Variants in SPEN observed in about 807,000 individuals in gnomAD.
SPEN encodes the protein msx2-interacting protein.
Under a neutral mutation model 269.9 loss-of-function variants are expected in SPEN, and 18 were observed. That is an observed-to-expected ratio of 0.07 (90% CI 0.05 to 0.10). The LOEUF is 0.10. SPEN is among the 10% of genes least tolerant of loss of function. The pLI is 1.00. For synonymous variants in SPEN, 1,726 were observed against 1,765.7 expected (o/e 0.98, Z 0.56); for missense variants, 3,822 against 4,631.2 (o/e 0.83, Z 5.07).
chr1:15,900,533 T>C lies in SPEN; in HGVS notation c.882-8788T>C, dbSNP rs978684707. Reference sequence around the variant, plus strand: ...AAAAGTTGTTTATACTTTACCTTTTTATCAGGTTGTCCAAAATCAAGTGAC... The same window carrying C: ...AAAAGTTGTTTATACTTTACCTTTTCATCAGGTTGTCCAAAATCAAGTGAC... On this transcript the variant is annotated intron_variant, in intron 3 of 14. Transcript: ENST00000375759. 2.8e-4 allele frequency among the ~76,000 whole-genome samples: 43 copies of C among 152,234 alleles called. 1 individual carries two copies. The highest frequency in any genetic ancestry group is 5.3e-4 in the Non-Finnish European group (36 of 68,044).
At chr1:15,920,730 C>T (rs1257660377) in intron 8 of SPEN, 140 bp from the exon 9 acceptor site, 2 of 372,970 alleles carry the variant, frequency 5.4e-6, no homozygotes, top group African/African-American at 4.2e-5. Flanking sequence ...GTGTGCATCA[C>T]ACTTTTTTTT....
rs1002376400 is a variant in SPEN, at chr1:15,848,374, G to A, written c.83+224G>A. On this transcript the variant is annotated intron_variant, in intron 1 of 14. Transcript: ENST00000375759. This position sits in a 1 kb window ranked among gnomAD's most constrained non-coding sequence, Gnocchi z 5.1. ...CGCGCCGCCTTCGAAGAGCCCGCGGGGCCCCGGCGGCCGCGTCCGTGACGA... is the reference window on the plus strand; with the variant it reads ...CGCGCCGCCTTCGAAGAGCCCGCGGAGCCCCGGCGGCCGCGTCCGTGACGA... Among the ~76,000 whole-genome samples the A allele has an allele frequency of 1.3e-5, 2 of 151,252 alleles. No individual in the cohort carries two copies. The highest frequency in any genetic ancestry group is 3.0e-5 in the Non-Finnish European group (2 of 67,698).
At position 15,851,980 on chromosome 1, in the gene SPEN, C is replaced by T. The variant is rs181931319; in HGVS notation, c.83+3830C>T. Among the ~76,000 whole-genome samples the T allele has an allele frequency of 2.0e-4, 30 of 151,544 alleles. 1 individual carries two copies. The highest frequency in any genetic ancestry group is 3.8e-4 in the Non-Finnish European group (26 of 67,864). On this transcript the variant is annotated intron_variant, in intron 1 of 14. Transcript: ENST00000375759. ...CCTGGGGGACAGAGCAAGACTCCGT[C>T]TGGGGAAAAAAAAAGAATGAGACCC...
intron 1 of SPEN, among the ~76,000 whole-genome samples, chr1:15,861,921 AATCACAGCTACTCAGGAGGCTGAG>A (rs1226658804): frequency 6.6e-6 from 1 of 152,192 alleles, no homozygotes; most frequent in East Asian, 1.9e-4. Flanking sequence ...ACATGCCTGT[AATCACAGCTACTCAGGAGGCTGAG>A]GCAGGAGAAT....
chr1:15,919,130 A>G, intron 7 of SPEN, 79 bp downstream of exon 7: 1 of 1,237,186 alleles, frequency 8.1e-7, no homozygotes, highest in East Asian at 2.3e-5. Context: ...TTTTTTGCAT[A>G]TGCCTTATTA....
intron 13 of SPEN, 179 bp from the exon 14 acceptor site, chr1:15,938,539 A>G: frequency 1.8e-6 from 1 of 554,184 alleles, no homozygotes; most frequent in South Asian, 2.9e-5. Context: ...TATTTTTTAA[A>G]TCAGCTTTCT....
intron 10 of SPEN, among the ~76,000 whole-genome samples, chr1:15,926,382 C>T (rs531548755): frequency 4.8e-4 from 67 of 139,662 alleles, no homozygotes; most frequent in Middle Eastern, 3.6e-3. Flanking sequence ...CAGATATATA[C>T]ATACACACAC....
chr1:15,912,594 C>T (rs1005861335), intron 5 of SPEN, among the ~76,000 whole-genome samples: 1 of 151,978 alleles, frequency 6.6e-6, no homozygotes, highest in African/African-American at 2.4e-5. Flanking sequence ...TTAGGGTGAC[C>T]ACTGCAAAAT....
In SPEN at chr1:15,934,284, T is replaced by C; in HGVS notation, c.8044T>C (p.Leu2682=). The C allele has an allele frequency of 6.2e-7, 1 of 1,614,198 alleles. No individual in the cohort carries two copies. The highest frequency in any genetic ancestry group is 8.5e-7 in the Non-Finnish European group (1 of 1,180,028). The change falls in exon 11 of 15, where the codon TTG becomes CTG. Residue 2682 remains leucine (L), a synonymous_variant. Coordinates refer to ENST00000375759, the MANE Select transcript of SPEN (RefSeq NM_015001.3). The surrounding 1 kb of genome is among the most constrained non-coding windows in gnomAD (Gnocchi z 9.2). The part of the protein sequence containing the change: ...VKGSVTTLKS[L]VSTPAGPVNV... ...GGGCTCAGTGACCACACTGAAAAGT[T>C]TGGTGAGCACCCCTGCTGGGCCCGT...
rs760363361 is a variant in SPEN at position 15,929,153 on chromosome 1, T to C, written c.2913T>C (p.Asp971=). The C allele has an allele frequency of 3.7e-6, 6 of 1,614,070 alleles. No individual in the cohort carries two copies. The highest frequency in any genetic ancestry group is 2.5e-6 in the Non-Finnish European group (3 of 1,180,010). ...RKHLKPEQPA[D]GVSAVDLEKL... ...ACCTCAAGCCTGAGCAGCCTGCAGA[T>C]GGGGTAAGTGCTGTGGATCTGGAGA... Residue 971 remains aspartate, a synonymous_variant, in exon 11 of 15, where the codon GAT becomes GAC. Transcript: ENST00000375759. The surrounding 1 kb of genome is among the most constrained non-coding windows in gnomAD (Gnocchi z 5.8).
intron 1 of SPEN, among the ~76,000 whole-genome samples, chr1:15,872,246 T>C (rs1359669323): frequency 8.0e-6 from 1 of 125,608 alleles, no homozygotes; most frequent in Non-Finnish European, 1.7e-5. Context: ...AAAAAAAAAG[T>C]GCATTTCAGC....
Position 15,928,658 on chromosome 1 carries a change from A to G in SPEN, c.2418A>G (p.Arg806=). 1 of 1,614,044 alleles carries G rather than the reference A, an allele frequency of 6.2e-7. No homozygotes were observed. The highest frequency in any genetic ancestry group is 8.5e-7 in the Non-Finnish European group (1 of 1,180,022). The change falls in exon 11 of 15, where the codon AGA becomes AGG. Residue 806 remains arginine, a synonymous_variant. Coordinates refer to ENST00000375759, the MANE Select transcript of SPEN (RefSeq NM_015001.3). The surrounding 1 kb of genome is among the most constrained non-coding windows in gnomAD (Gnocchi z 5.7). ...ATCCGGAGAGAGTGGAGAGAGAGAG[A>G]CGCTTAATACGGAAGGAAAAAGTGG... ...TFDPERVERE[R]RLIRKEKVEK... is the part of the protein sequence containing the mutation.
chr1:15,903,804 A>T (rs1050082075), intron 3 of SPEN, among the ~76,000 whole-genome samples: 1 of 152,162 alleles, frequency 6.6e-6, no homozygotes, highest in Admixed American at 6.5e-5. Context: ...TTTATTTAGA[A>T]TGATACTTTT....
At chr1:15,906,154 CAG>C (rs2070953324) in intron 3 of SPEN, among the ~76,000 whole-genome samples, 1 of 152,152 alleles carries the variant, frequency 6.6e-6, no homozygotes, top group African/African-American at 2.4e-5. Context: ...GTGCTAAAAA[CAG>C]AAGATTGATT....
chr1:15,935,311 A>C lies in SPEN; in HGVS notation c.9071A>C (p.His3024Pro). ...TTGGCAGCTGCAAAGCTAGATGCTC[A>C]TTCTCCTCGACCAAGTGGACCCGGG... is the stretch of plus-strand genomic sequence containing the variant. ...SHLAAAKLDA[H>P]SPRPSGPGPS... The change falls in exon 11 of 15, where the codon CAT (histidine) becomes CCT (proline). Residue 3024 changes from histidine to proline, a missense_variant. Around this residue, in one of 16 missense-constraint regions of SPEN, gnomAD observed 94 missense variants for 90.4 expected, o/e 1.04. Transcript: ENST00000375759. This position sits in a 1 kb window ranked among gnomAD's most constrained non-coding sequence, Gnocchi z 7.7. 1 of 1,614,058 alleles carries C rather than the reference A, an allele frequency of 6.2e-7. No homozygotes were observed.
Position 15,938,747 on chromosome 1 carries a change from T to A in SPEN, c.10734T>A (p.Ala3578=), listed in dbSNP as rs548264042. ...AGACAGATTACTGTCTGCTGCTGGC[T>A]CTGCCCTGTGGCCGTGACCAAGAGG... ...TVETDYCLLL[A]LPCGRDQEDV... Residue 3578 remains alanine, a synonymous_variant, in exon 14 of 15, where the codon GCT becomes GCA. Coordinates refer to ENST00000375759, the MANE Select transcript of SPEN (RefSeq NM_015001.3). 2 of 1,613,956 alleles carry A rather than the reference T, an allele frequency of 1.2e-6. No individual in the cohort carries two copies. Among genetic ancestry groups the A allele is most frequent in the Admixed American group, 1.7e-5 (1 of 60,018 alleles).
In SPEN at chr1:15,928,356, C is replaced by T. The variant is rs748777153; in HGVS notation, c.2116C>T (p.Arg706Cys). ...CAGGCAAAGGGAACGAGAAAGAGAA[C>T]GTGAAAGATTTGAGTCTGACCGGGA... is the stretch of plus-strand genomic sequence containing the variant. ...SYRQRERERE[R>C]ERFESDRDRD... The change falls in exon 11 of 15, where the codon CGT becomes TGT. Residue 706 changes from arginine (R) to cysteine (C), a missense_variant. This residue lies in a region of SPEN where 572 missense variants were observed against 582.6 expected (regional missense o/e 0.98). Coordinates refer to ENST00000375759, the MANE Select transcript of SPEN (RefSeq NM_015001.3). The surrounding 1 kb of genome is among the most constrained non-coding windows in gnomAD (Gnocchi z 5.7). 4.3e-6 allele frequency: 7 copies of T among 1,614,082 alleles called. No homozygotes were observed. Among genetic ancestry groups the T allele is most frequent in the Admixed American group, 1.7e-5 (1 of 60,016 alleles).
intron 6 of SPEN, among the ~76,000 whole-genome samples, chr1:15,918,375 T>C (rs1380247425): frequency 1.3e-5 from 2 of 152,234 alleles, no homozygotes; most frequent in Non-Finnish European, 1.5e-5. Flanking sequence ...TGTGCCGCCA[T>C]GCCTGGCTAA....
intron 1 of SPEN, among the ~76,000 whole-genome samples, chr1:15,850,551 C>G (rs1361305163): frequency 1.3e-5 from 2 of 152,148 alleles, no homozygotes; most frequent in Non-Finnish European, 1.5e-5. Context: ...CCTCACCCCC[C>G]AAAATCCAGG....
Sources: gnomAD v4.1 joint callset for allele counts (sites outside exome capture counted in the v4.1 genomes callset) on GRCh38, gnomAD v4.1.1 for gene constraint, gnomAD v4.1.1 regional missense constraint, Gnocchi (gnomAD v3.1) non-coding constraint, MANE v1.5 for transcripts, NCBI Gene and HGNC (gene_info 2026-07-23, HGNC 2026-07-21) for gene names.